The following APOLD1 variants were observed in gnomAD, a reference collection of about 807,000 sequenced individuals.
APOLD1 encodes apolipoprotein L domain containing 1.
In APOLD1, 22 loss-of-function variants were observed where a neutral mutation model predicts 15.3. The ratio of observed to expected loss-of-function variants is 1.44; its 90% CI spans 1.03 to 2.05. APOLD1 has a LOEUF of 2.05. Among genes scored for constraint, APOLD1 ranks in the 30% most tolerant of loss-of-function variants. APOLD1 has a pLI of 0.00. For missense variants in APOLD1, 394 were observed against 353.5 expected (o/e 1.11, Z -0.92); for synonymous variants, 190 against 167.4 (o/e 1.13, Z -1.04).
intron 1 of APOLD1, among the ~76,000 whole-genome samples, chr12:12,735,733 G>C (rs1221967185): frequency 1.3e-5 from 2 of 151,818 alleles, no homozygotes; most frequent in Non-Finnish European, 2.9e-5. Context: ...TTCGAGGTTA[G>C]GCATCGAAGA....
rs183237665 is a variant in APOLD1 at position 12,764,175 on chromosome 12, G to A, written c.97-22734G>A. Reference sequence around the variant, plus strand: ...ACAGGGTTTCGCCATGTTGGGCAGGGTAGTCTTGAACTCCTGGCCTCAGGT... The same window carrying A: ...ACAGGGTTTCGCCATGTTGGGCAGGATAGTCTTGAACTCCTGGCCTCAGGT... On this transcript the variant is annotated intron_variant, in intron 1 of 1. Coordinates refer to the APOLD1 transcript ENST00000326765. 8.1e-4 allele frequency among the ~76,000 whole-genome samples: 124 copies of A among 152,180 alleles called. 2 individuals are homozygous for A. In the East Asian group the frequency reaches 0.021, roughly 26 times the overall value.
rs1457269598 is a variant in APOLD1, at chr12:12,787,690, C to G, written c.*38C>G. ...CCCCTAATGACCGAGGCCAGCAAAT[C>G]ATCCTCATGGGATGCTCCAGAATTT... is the stretch of plus-strand genomic sequence containing the variant. On this transcript the variant is annotated 3_prime_UTR_variant, in exon 2 of 2. Transcript: ENST00000356591. The surrounding 1 kb of genome is among the most constrained non-coding windows in gnomAD (Gnocchi z 4.9). 6.5e-7 allele frequency: 1 copy of G among 1,542,630 alleles called. No individual in the cohort carries two copies. The highest frequency in any genetic ancestry group is 2.3e-5 in the East Asian group (1 of 44,314).
intron 1 of APOLD1, among the ~76,000 whole-genome samples, chr12:12,729,852 A>G (rs1289080765): frequency 1.3e-5 from 2 of 152,036 alleles, no homozygotes; most frequent in African/African-American, 4.8e-5. Flanking sequence ...ACCACAATAA[A>G]AAAGAATATA....
intron 1 of APOLD1, chr12:12,764,667 T>C (rs751237420): frequency 8.1e-6 from 4 of 495,314 alleles, no homozygotes; most frequent in Admixed American, 2.0e-5. Context: ...CGTTTCCAAG[T>C]GTGAAGGGAC....
intron 1 of APOLD1, among the ~76,000 whole-genome samples, chr12:12,735,352 C>T (rs1236880918): frequency 1.3e-5 from 2 of 152,040 alleles, no homozygotes; most frequent in Admixed American, 6.6e-5. Context: ...TGACCTAGAG[C>T]GAGGGTTAGA....
At chr12:12,769,445 GT>G (rs2136391113) in intron 1 of APOLD1, among the ~76,000 whole-genome samples, 1 of 152,250 alleles carries the variant, frequency 6.6e-6, no homozygotes, top group East Asian at 1.9e-4. Flanking sequence ...AACCTGAACT[GT>G]AATTGACAAA....
In APOLD1 at chr12:12,787,829, A is replaced by G; in HGVS notation, c.*177A>G. On this transcript the variant is annotated 3_prime_UTR_variant, in exon 2 of 2. Transcript: ENST00000356591. The surrounding 1 kb of genome is among the most constrained non-coding windows in gnomAD (Gnocchi z 4.9). ...GCCCTTCTTTTCCCATCACTGTGAC[A>G]TCTGCCTGGGCTTGAGTGCTACGGA... 1 of 872,438 alleles carries G rather than the reference A, an allele frequency of 1.1e-6. No homozygotes were observed. The highest frequency in any genetic ancestry group is 1.7e-6 in the Non-Finnish European group (1 of 589,900). The allele number at this position is 872,438 out of a possible 1,614,324, so 54.0% of individuals were successfully genotyped here.
intron 1 of APOLD1, among the ~76,000 whole-genome samples, chr12:12,766,463 A>C (rs1946943212): frequency 6.6e-6 from 1 of 152,202 alleles, no homozygotes; most frequent in South Asian, 2.1e-4. Flanking sequence ...ATGAGCTAAA[A>C]ATCACTTTTG....
chr12:12,744,202 G>A (rs1481560035), intron 1 of APOLD1, among the ~76,000 whole-genome samples: 2 of 151,202 alleles, frequency 1.3e-5, no homozygotes, highest in Non-Finnish European at 3.0e-5. Context: ...CCAGCTACTC[G>A]GGAGGCTGAG....
At chr12:12,767,974 C>T (rs150550390) in intron 1 of APOLD1, among the ~76,000 whole-genome samples, 4,320 of 151,930 alleles carry the variant, frequency 0.028, 80 homozygotes, top group South Asian at 0.053. Context: ...TTAGTAGAGA[C>T]GGGGGTTTCA....
intron 1 of APOLD1, among the ~76,000 whole-genome samples, chr12:12,741,135 C>A (rs186706122): frequency 1.6e-4 from 24 of 152,224 alleles, no homozygotes; most frequent in African/African-American, 5.5e-4. Flanking sequence ...GGAAAAAGTA[C>A]CCTAGAATGC....
intron 1 of APOLD1, among the ~76,000 whole-genome samples, chr12:12,761,754 A>G (rs1428846760): frequency 6.6e-6 from 1 of 151,326 alleles, no homozygotes; most frequent in Admixed American, 6.6e-5. Flanking sequence ...GGGTGCTGGA[A>G]GGGAACAGAA....
intron 1 of APOLD1, among the ~76,000 whole-genome samples, chr12:12,778,469 A>G (rs970065781): frequency 6.8e-6 from 1 of 147,890 alleles, no homozygotes; most frequent in Non-Finnish European, 1.5e-5. Context: ...ACAGGTGCAC[A>G]CCTCCTCGTG....
chr12:12,789,358 G>C lies in APOLD1; in HGVS notation c.*1706G>C, dbSNP rs1428293326. 1.3e-5 allele frequency: 2 copies of C among 152,216 alleles called. No homozygotes were observed. Among genetic ancestry groups the C allele is most frequent in the African/African-American group, 4.8e-5 (2 of 41,446 alleles). The allele number at this position is 152,216 out of a possible 1,614,324, so 9.4% of individuals were successfully genotyped here. A position where few individuals can be genotyped will look rare whatever the true frequency, so the allele number is the denominator to read the frequency against. On this transcript the variant is annotated 3_prime_UTR_variant, in exon 2 of 2. Transcript: ENST00000356591. Reference sequence around the variant, plus strand: ...TGATCCTTTGAAGTAAGTGTGGAGAGTCTTGAATGGCAAGACCAGGAGCTG... The same window carrying C: ...TGATCCTTTGAAGTAAGTGTGGAGACTCTTGAATGGCAAGACCAGGAGCTG...
At chr12:12,745,608 A>C (rs542535701) in intron 1 of APOLD1, among the ~76,000 whole-genome samples, 1 of 152,132 alleles carries the variant, frequency 6.6e-6, no homozygotes, top group East Asian at 1.9e-4. Flanking sequence ...AACCCAAAGA[A>C]TATTTTAATG....
chr12:12,754,118 A>G (rs1053175956), intron 1 of APOLD1, among the ~76,000 whole-genome samples: 1 of 138,770 alleles, frequency 7.2e-6, no homozygotes, highest in Non-Finnish European at 1.5e-5. Flanking sequence ...CAGGAGGCTC[A>G]CTCGAACCCA....
intron 1 of APOLD1, among the ~76,000 whole-genome samples, chr12:12,730,422 T>G (rs1397504108): frequency 1.3e-5 from 2 of 152,056 alleles, no homozygotes; most frequent in East Asian, 1.9e-4. Context: ...GGCTCACACC[T>G]GTAATGCCAG....
At chr12:12,767,817 A>G (rs539082486) in intron 1 of APOLD1, among the ~76,000 whole-genome samples, 1 of 151,774 alleles carries the variant, frequency 6.6e-6, no homozygotes, top group East Asian at 1.9e-4. Context: ...ACGGAGTCTC[A>G]CTCTGTCACT....
chr12:12,751,401 A>G (rs1412435094), intron 1 of APOLD1, among the ~76,000 whole-genome samples: 1 of 152,116 alleles, frequency 6.6e-6, no homozygotes, highest in Non-Finnish European at 1.5e-5. Flanking sequence ...CCCAAGCTAG[A>G]GTGCAGTGGT....
Sources: allele counts gnomAD v4.1 joint callset (sites outside exome capture counted in the v4.1 genomes callset), GRCh38; gene constraint gnomAD v4.1.1; non-coding constraint Gnocchi (gnomAD v3.1); transcripts MANE v1.5; gene names NCBI Gene and HGNC (gene_info 2026-07-23, HGNC 2026-07-21).